The following NCAM2 variants were observed in gnomAD, a reference collection of about 807,000 sequenced individuals.
The protein encoded by NCAM2 is N-CAM-2.
In NCAM2, 30 loss-of-function variants were observed where a neutral mutation model predicts 98.1. The ratio of observed to expected loss-of-function variants is 0.31; its 90% CI spans 0.23 to 0.41. NCAM2 has a LOEUF of 0.41. Ranked by LOEUF, NCAM2 falls within the 10% of genes least tolerant of loss-of-function variation. The probability of loss-of-function intolerance (pLI) is 1.00; values close to 1 mark genes in which losing one functional copy is unlikely to be tolerated. For missense variants in NCAM2, 867 were observed against 1,005.8 expected (o/e 0.86, Z 1.87); for synonymous variants, 368 against 342.4 (o/e 1.07, Z -0.83).
intron 1 of NCAM2, among the ~76,000 whole-genome samples, chr21:21,152,246 A>G (rs2067470047): frequency 6.6e-6 from 1 of 151,962 alleles, no homozygotes; most frequent in Non-Finnish European, 1.5e-5. Flanking sequence ...TAGATTTTGT[A>G]CTTATAGCTT....
At chr21:21,265,207 T>A (rs545565960) in intron 1 of NCAM2, among the ~76,000 whole-genome samples, 68 of 124,868 alleles carry the variant, frequency 5.4e-4, no homozygotes, top group African/African-American at 1.9e-3. Context: ...TATGTATGTG[T>A]GTATATAGTA....
At chr21:21,382,893 T>C (rs2076189660) in intron 9 of NCAM2, among the ~76,000 whole-genome samples, 1 of 152,050 alleles carries the variant, frequency 6.6e-6, no homozygotes, top group Non-Finnish European at 1.5e-5. Flanking sequence ...TCTTTCTGTC[T>C]TTTTACTGAG....
chr21:21,138,470 G>T (rs1601472479), intron 1 of NCAM2, among the ~76,000 whole-genome samples: 1 of 115,894 alleles, frequency 8.6e-6, no homozygotes, highest in Non-Finnish European at 1.9e-5. Flanking sequence ...TACATCTCTA[G>T]TGTATTTATT....
At chr21:21,349,699 A>G (rs2075283662) in intron 8 of NCAM2, among the ~76,000 whole-genome samples, 1 of 152,184 alleles carries the variant, frequency 6.6e-6, no homozygotes, top group South Asian at 2.1e-4. Flanking sequence ...CAACAGATGA[A>G]ATGGATAAAG....
chr21:21,307,700 C>A (rs1481968090), intron 5 of NCAM2, among the ~76,000 whole-genome samples: 3 of 152,090 alleles, frequency 2.0e-5, no homozygotes, highest in East Asian at 1.9e-4. Context: ...TACCTTTGAG[C>A]AATTCCCTTC....
chr21:21,497,483 A>G (rs1354889350), intron 15 of NCAM2, among the ~76,000 whole-genome samples: 5 of 150,958 alleles, frequency 3.3e-5, no homozygotes, highest in Non-Finnish European at 5.9e-5. Context: ...AGATATTAAG[A>G]AAAAGCAAAT....
At chr21:21,524,322 A>G (rs990505554) in intron 16 of NCAM2, among the ~76,000 whole-genome samples, 1 of 152,152 alleles carries the variant, frequency 6.6e-6, no homozygotes. Context: ...GCATAAAAAT[A>G]TGTGAGGCAA....
intron 1 of NCAM2, among the ~76,000 whole-genome samples, chr21:21,151,270 G>T (rs998200047): frequency 6.6e-6 from 1 of 151,930 alleles, no homozygotes; most frequent in Non-Finnish European, 1.5e-5. Context: ...AATATTTAAT[G>T]TGTATTTTTT....
chr21:21,499,741 C>CTCAAG, intron 15 of NCAM2, among the ~76,000 whole-genome samples: 1 of 151,792 alleles, frequency 6.6e-6, no homozygotes, highest in African/African-American at 2.4e-5. Flanking sequence ...CTTGGAATTC[C>CTCAAG]CAAAGTACTT....
intron 1 of NCAM2, among the ~76,000 whole-genome samples, chr21:21,027,162 ACT>A (rs982417666): frequency 1.1e-4 from 17 of 152,026 alleles, no homozygotes; most frequent in Admixed American, 1.0e-3. Context: ...CCGGCCCAAA[ACT>A]TTTATTTTCT....
intron 1 of NCAM2, among the ~76,000 whole-genome samples, chr21:21,133,128 G>C (rs1405723245): frequency 6.6e-6 from 1 of 151,962 alleles, no homozygotes; most frequent in Non-Finnish European, 1.5e-5. Context: ...ACATTCCATT[G>C]CTTTAATTTA....
chr21:21,170,880 T>A (rs147747028), intron 1 of NCAM2, among the ~76,000 whole-genome samples: 46 of 152,206 alleles, frequency 3.0e-4, no homozygotes, highest in African/African-American at 1.1e-3. Context: ...ATATGGGAAC[T>A]CTCTGCACTT....
intron 6 of NCAM2, among the ~76,000 whole-genome samples, chr21:21,328,743 T>C (rs188040464): frequency 1.5e-3 from 223 of 152,012 alleles, no homozygotes; most frequent in African/African-American, 5.2e-3. Flanking sequence ...GTATATAAAG[T>C]AAAAAAAGCT....
chr21:21,341,361 C>T (rs995368147), intron 8 of NCAM2, among the ~76,000 whole-genome samples: 1 of 152,014 alleles, frequency 6.6e-6, no homozygotes, highest in Non-Finnish European at 1.5e-5. Flanking sequence ...TAAATAAACT[C>T]ATCAGTTGGT....
intron 1 of NCAM2, among the ~76,000 whole-genome samples, chr21:21,022,061 C>T (rs542040084): frequency 6.6e-6 from 1 of 152,082 alleles, no homozygotes; most frequent in African/African-American, 2.4e-5. Flanking sequence ...AAATATCTGG[C>T]TGTGATGGCT....
chr21:21,304,816 A>G (rs1320127097), intron 5 of NCAM2, among the ~76,000 whole-genome samples: 3 of 152,134 alleles, frequency 2.0e-5, no homozygotes, highest in Non-Finnish European at 4.4e-5. Flanking sequence ...AGTGTTCTTA[A>G]GTGTTTTTTA....
intron 12 of NCAM2, among the ~76,000 whole-genome samples, chr21:21,434,070 T>A (rs1271928279): frequency 6.6e-6 from 1 of 152,186 alleles, no homozygotes; most frequent in African/African-American, 2.4e-5. Context: ...TCTGGCCAAG[T>A]TGATCAAGGT....
chr21:21,272,739 A>G (rs1235695933), intron 1 of NCAM2, among the ~76,000 whole-genome samples: 1 of 152,194 alleles, frequency 6.6e-6, no homozygotes, highest in Non-Finnish European at 1.5e-5. Context: ...TTTCTCAGTT[A>G]TCTGGCAAAT....
intron 1 of NCAM2, among the ~76,000 whole-genome samples, chr21:21,243,755 G>C (rs2147250946): frequency 6.6e-6 from 1 of 152,256 alleles, no homozygotes; most frequent in East Asian, 1.9e-4. Context: ...ACTAGAACAG[G>C]TCCTAAAGCT....
Sources: gnomAD v4.1 joint callset for allele counts (sites outside exome capture counted in the v4.1 genomes callset) on GRCh38, gnomAD v4.1.1 for gene constraint, MANE v1.5 for transcripts, NCBI Gene and HGNC (gene_info 2026-07-23, HGNC 2026-07-21) for gene names.